The following NLGN4Y variants were observed in gnomAD, a reference collection of about 807,000 sequenced individuals.
The protein encoded by NLGN4Y is neuroligin 4 Y-linked, also known as neuroligin-4, Y-linked.
Under a neutral mutation model 8.4 loss-of-function variants are expected in NLGN4Y, and 4 were observed. The ratio of observed to expected loss-of-function variants is 0.48; its 90% CI spans 0.23 to 1.09. NLGN4Y has a LOEUF of 1.09. NLGN4Y is among the 50% of genes least tolerant of loss of function. The pLI is 0.19. For missense variants in NLGN4Y, 90 were observed against 192.3 expected, an observed-to-expected ratio of 0.47 and a Z score of 3.15; for synonymous variants, 35 against 75.6, an observed-to-expected ratio of 0.46 and a Z score of 2.78.
At chrY:14,739,360 T>C in intron 4 of NLGN4Y, among the ~76,000 whole-genome samples, 1 of 32,734 alleles carries the variant, frequency 3.1e-5, no homozygotes, top group Non-Finnish European at 7.5e-5. Flanking sequence ...CCCACTTCTA[T>C]TGACTCTTTA....
At chrY:14,561,533 C>T (rs2080227138) in intron 1 of NLGN4Y, among the ~76,000 whole-genome samples, 1 of 33,037 alleles carries the variant, frequency 3.0e-5, no homozygotes, top group Admixed American at 2.8e-4. Flanking sequence ...AATAAACATA[C>T]GTATGCATGT....
chrY:14,733,832 G>C (rs2150560382), intron 4 of NLGN4Y, among the ~76,000 whole-genome samples: 1 of 32,940 alleles, frequency 3.0e-5, no homozygotes, highest in South Asian at 6.9e-4. Flanking sequence ...GCAATTTTAG[G>C]TGTAAGGAAG....
At chrY:14,684,056 T>G in intron 2 of NLGN4Y, among the ~76,000 whole-genome samples, 1 of 34,279 alleles carries the variant, frequency 2.9e-5, no homozygotes, top group Non-Finnish European at 7.3e-5. Flanking sequence ...ATATGGAGAC[T>G]TTGTTTTGGT....
At chrY:14,571,619 A>C (rs912122960) in intron 1 of NLGN4Y, among the ~76,000 whole-genome samples, 2 of 33,158 alleles carry the variant, frequency 6.0e-5, no homozygotes, top group African/African-American at 2.4e-4. Context: ...CCATTTGTCA[A>C]TTTTGGCTAT....
intron 2 of NLGN4Y, among the ~76,000 whole-genome samples, chrY:14,686,390 T>A (rs2080791701): frequency 3.0e-5 from 1 of 33,024 alleles, no homozygotes; most frequent in Admixed American, 2.8e-4. Flanking sequence ...GACACAACCT[T>A]CAGCTTTGCA....
chrY:14,545,735 G>C, intron 1 of NLGN4Y, among the ~76,000 whole-genome samples: 2 of 33,199 alleles, frequency 6.0e-5, no homozygotes, highest in Non-Finnish European at 1.5e-4. Context: ...TAGGTTGCCT[G>C]TTCACTCTGA....
intron 4 of NLGN4Y, among the ~76,000 whole-genome samples, chrY:14,748,389 A>G: frequency 6.0e-5 from 2 of 33,389 alleles, no homozygotes; most frequent in South Asian, 6.9e-4. Flanking sequence ...GCTGATTTCA[A>G]TTATAACTCA....
intron 4 of NLGN4Y, among the ~76,000 whole-genome samples, chrY:14,802,223 A>C: frequency 1.3e-4 from 4 of 31,894 alleles, no homozygotes; most frequent in African/African-American, 2.5e-4. Flanking sequence ...ATACCTGGAG[A>C]GCTCTCTCTC....
intron 4 of NLGN4Y, among the ~76,000 whole-genome samples, chrY:14,818,057 A>G: frequency 3.1e-5 from 1 of 32,147 alleles, no homozygotes; most frequent in Non-Finnish European, 7.5e-5. Flanking sequence ...ATTGTTTATG[A>G]GCTTCAGACC....
chrY:14,827,609 T>A, intron 5 of NLGN4Y, among the ~76,000 whole-genome samples: 1 of 32,524 alleles, frequency 3.1e-5, no homozygotes, highest in Non-Finnish European at 7.5e-5. Context: ...AGCAAAACCT[T>A]ATCTCTGCAA....
chrY:14,609,471 CAT>C (rs2080458915), intron 1 of NLGN4Y, among the ~76,000 whole-genome samples: 1 of 33,268 alleles, frequency 3.0e-5, no homozygotes, highest in Non-Finnish European at 7.5e-5. Context: ...GGGATAATCA[CAT>C]GTTTTTTTGT....
chrY:14,594,430 T>G, intron 1 of NLGN4Y, among the ~76,000 whole-genome samples: 1 of 33,541 alleles, frequency 3.0e-5, no homozygotes, highest in African/African-American at 1.2e-4. Flanking sequence ...TGCTCCATTT[T>G]CTGACCTCTC....
At chrY:14,569,098 C>T (rs982494122) in intron 1 of NLGN4Y, among the ~76,000 whole-genome samples, 3 of 33,183 alleles carry the variant, frequency 9.0e-5, no homozygotes, top group Middle Eastern at 0.014. Flanking sequence ...AGAACGAAGA[C>T]GCAAAGATAA....
At chrY:14,725,368 A>C in intron 4 of NLGN4Y, among the ~76,000 whole-genome samples, 2 of 34,028 alleles carry the variant, frequency 5.9e-5, no homozygotes, top group Admixed American at 5.3e-4. Context: ...GACAAGGAGT[A>C]AAAGTGTTTT....
chrY:14,620,043 TAGA>T (rs2080502969), intron 1 of NLGN4Y, among the ~76,000 whole-genome samples: 1 of 32,754 alleles, frequency 3.1e-5, no homozygotes, highest in African/African-American at 1.2e-4. Context: ...TGGTAGGAGG[TAGA>T]AGATTAGGAA....
At chrY:14,735,704 G>T (rs929810237) in intron 4 of NLGN4Y, among the ~76,000 whole-genome samples, 5 of 33,217 alleles carry the variant, frequency 1.5e-4, no homozygotes, top group Non-Finnish European at 2.2e-4. Flanking sequence ...GCTCAGAAAG[G>T]AAGATATGGG....
chrY:14,581,088 C>T (rs1317455819), intron 1 of NLGN4Y, among the ~76,000 whole-genome samples: 2 of 31,200 alleles, frequency 6.4e-5, no homozygotes, highest in Non-Finnish European at 1.5e-4. Flanking sequence ...ACAAAAATTA[C>T]GCAGTGTACT....
rs1603504606 is a variant in NLGN4Y, at chrY:14,845,152, C to T, written c.*3890C>T. The stretch of plus-strand genomic sequence containing the variant: ...TTTGCACAATGATGAAATTGCCTAA[C>T]GAAACTTTTCTCAGAAACCTATTGA... On this transcript the variant is annotated 3_prime_UTR_variant, in exon 7 of 7. Coordinates refer to ENST00000684976, the MANE Select transcript of NLGN4Y (RefSeq NM_001365588.1). The T allele has an allele frequency of 9.0e-5, 3 of 33,414 alleles. No homozygotes were observed. The highest frequency in any genetic ancestry group is 7.8e-4 in the East Asian group (1 of 1,279). 8.3% of individuals were successfully genotyped at this position (33,414 alleles called of 400,897 possible).
intron 4 of NLGN4Y, among the ~76,000 whole-genome samples, chrY:14,795,562 C>T: frequency 6.0e-5 from 2 of 33,223 alleles, no homozygotes; most frequent in East Asian, 1.6e-3. Context: ...AGTAAGAAAA[C>T]ATTTCTGCTC....
Sources: gnomAD v4.1 joint callset for allele counts (sites outside exome capture counted in the v4.1 genomes callset) on GRCh38, gnomAD v4.1.1 for gene constraint, MANE v1.5 for transcripts, NCBI Gene and HGNC (gene_info 2026-07-23, HGNC 2026-07-21) for gene names.